The following MAST4 variants were observed in gnomAD, a reference collection of about 807,000 sequenced individuals.
The protein encoded by MAST4 is microtubule-associated serine/threonine-protein kinase 4.
MAST4 carries 89 observed loss-of-function variants against 162.7 expected under a neutral mutation model. The ratio of observed to expected loss-of-function variants is 0.55; its 90% CI spans 0.46 to 0.65. MAST4 has a LOEUF of 0.65. MAST4 is among the 30% of genes least tolerant of loss of function. The pLI is 0.00. For missense variants in MAST4, 3,153 were observed against 3,374.0 expected (o/e 0.93, Z 1.62); for synonymous variants, 1,479 against 1,361.1 (o/e 1.09, Z -1.91).
intron 4 of MAST4, among the ~76,000 whole-genome samples, chr5:66,973,616 AT>A (rs1443240679): frequency 6.6e-6 from 1 of 152,012 alleles, no homozygotes. Flanking sequence ...CTGGGGTAAA[AT>A]TTTTAGTCCA....
chr5:66,769,526 C>G (rs1754266538), intron 2 of MAST4, among the ~76,000 whole-genome samples: 1 of 152,176 alleles, frequency 6.6e-6, no homozygotes, highest in Non-Finnish European at 1.5e-5. Flanking sequence ...ACAAACCTAC[C>G]TGGTTTAGCC....
rs1050319349 is a variant in MAST4 at position 66,959,131 on chromosome 5, C to T, written c.674+59149C>T. 9.7e-6 allele frequency: 7 copies of T among 720,756 alleles called. No individual in the cohort carries two copies. In the African/African-American group the frequency reaches 1.2e-4, roughly 12 times the overall value. The allele number at this position is 720,756 out of a possible 1,614,324, so 44.6% of individuals were successfully genotyped here. A position where few individuals can be genotyped will look rare whatever the true frequency, so the allele number is the denominator to read the frequency against. On this transcript the variant is annotated intron_variant, in intron 4 of 28. Transcript: ENST00000403625. ...AAACTTGCAGCCTCCCCCTCCCCCTCGAGAGAGTGTTAGTCCAGTCCTTTA... is the reference window on the plus strand; with the variant it reads ...AAACTTGCAGCCTCCCCCTCCCCCTTGAGAGAGTGTTAGTCCAGTCCTTTA...
intron 25 of MAST4, 88 bp downstream of exon 25, chr5:67,152,954 T>G: frequency 1.8e-6 from 2 of 1,110,466 alleles, no homozygotes; most frequent in Admixed American, 4.3e-5. Context: ...GCAAATATAT[T>G]TACTTTTAAG....
intron 4 of MAST4, among the ~76,000 whole-genome samples, chr5:66,981,277 T>C (rs1188343743): frequency 6.6e-6 from 1 of 152,240 alleles, no homozygotes; most frequent in Non-Finnish European, 1.5e-5. Context: ...TTCTTATTTA[T>C]TGGAAATTAT....
Position 67,121,022 on chromosome 5 carries a change from T to A in MAST4, c.1665T>A (p.Ser555=). 1.9e-6 allele frequency: 3 copies of A among 1,608,448 alleles called. No homozygotes were observed. Among genetic ancestry groups the A allele is most frequent in the Non-Finnish European group, 2.5e-6 (3 of 1,176,818 alleles). ...TPETDESVSS[S]NASLKLRRKP... Reference sequence around the variant, plus strand: ...TTCCATATTTTGTTTCCAAGAGCTCTAATGCCTCCCTGAAACTTCGAAGGA... The same window carrying A: ...TTCCATATTTTGTTTCCAAGAGCTCAAATGCCTCCCTGAAACTTCGAAGGA... The change falls in exon 14 of 29, where the codon TCT becomes TCA. Residue 555 remains serine (S), a synonymous_variant. Transcript: ENST00000403625.
chr5:67,027,310 T>C (rs1561548381), intron 4 of MAST4, among the ~76,000 whole-genome samples: 1 of 152,202 alleles, frequency 6.6e-6, no homozygotes, highest in Non-Finnish European at 1.5e-5. Flanking sequence ...CAGATGTTTT[T>C]TATTCTCATC....
intron 1 of MAST4, among the ~76,000 whole-genome samples, chr5:66,709,350 C>G (rs1455796043): frequency 1.3e-5 from 2 of 152,190 alleles, no homozygotes; most frequent in Non-Finnish European, 2.9e-5. Context: ...GGATCTTGCT[C>G]TGTTGCCCAG....
rs529192042 is a variant in MAST4 at position 66,761,105 on chromosome 5, T to G, written c.517+1243T>G. Among the ~76,000 whole-genome samples the G allele has an allele frequency of 3.9e-5, 6 of 152,360 alleles. No individual in the cohort carries two copies. The South Asian group carries it at 1.2e-3, about 32-fold the overall frequency. ...TTGCCAGTTTTAAAAATTTTAGCCA[T>G]TTTCAGTGTTACATAGATGTATCAC... On this transcript the variant is annotated intron_variant, in intron 2 of 28. Transcript: ENST00000403625.
In MAST4 at chr5:66,802,151, G is replaced by T. The variant is rs115538015; in HGVS notation, c.642+13357G>T. 9.9e-3 allele frequency among the ~76,000 whole-genome samples: 1,503 copies of T among 152,072 alleles called. 22 individuals are homozygous for T. The highest frequency in any genetic ancestry group is 0.034 in the African/African-American group (1,418 of 41,482). On this transcript the variant is annotated intron_variant, in intron 3 of 28. Coordinates refer to ENST00000403625, the MANE Select transcript of MAST4 (RefSeq NM_001164664.2). ...ATATTCCCTTTCAGCATTTCTTGGGGTTCTAATTTAGCTTTCTTATACATG... is the reference window on the plus strand; with the variant it reads ...ATATTCCCTTTCAGCATTTCTTGGGTTTCTAATTTAGCTTTCTTATACATG...
Position 66,759,851 on chromosome 5 carries a change from G to A in MAST4, c.506G>A (p.Gly169Glu). 1 of 1,613,874 alleles carries A rather than the reference G, an allele frequency of 6.2e-7. No homozygotes were observed. The highest frequency in any genetic ancestry group is 8.5e-7 in the Non-Finnish European group (1 of 1,179,842). Reference sequence around the variant, plus strand: ...CAGCTAAGGCGAGGGAGCCTGGGAGGAGCCCTGACTGGTGAGTCGCAGCGG... The same window carrying A: ...CAGCTAAGGCGAGGGAGCCTGGGAGAAGCCCTGACTGGTGAGTCGCAGCGG... ...GRQLRRGSLG[G>E]ALTGRYLLPN... The change falls in exon 2 of 29, where the codon GGA becomes GAA. Residue 169 changes from glycine (G) to glutamate (E), a missense_variant. By Grantham distance (98) the Gly-to-Glu change is moderately conservative. Transcript: ENST00000403625.
intron 1 of MAST4, among the ~76,000 whole-genome samples, chr5:66,708,588 T>C (rs1315983186): frequency 1.3e-5 from 2 of 152,224 alleles, no homozygotes; most frequent in African/African-American, 4.8e-5. Flanking sequence ...TTGAGTTTGC[T>C]GTTGGTTTCT....
intron 1 of MAST4, among the ~76,000 whole-genome samples, chr5:66,633,705 T>C (rs1451661600): frequency 3.3e-5 from 5 of 152,216 alleles, no homozygotes; most frequent in Non-Finnish European, 7.3e-5. Context: ...GGTTTGTTTG[T>C]TTTCCAACTA....
At chr5:67,152,603 A>G in intron 24 of MAST4, 34 bp from the exon 25 acceptor site, 1 of 1,587,718 alleles carries the variant, frequency 6.3e-7, no homozygotes. Flanking sequence ...TGTGTGAGCC[A>G]CATGGGCTTT....
At chr5:66,997,688 A>G (rs1750827053) in intron 4 of MAST4, among the ~76,000 whole-genome samples, 6 of 152,138 alleles carry the variant, frequency 3.9e-5, no homozygotes, top group Admixed American at 3.3e-4. Flanking sequence ...CTGCCTCCCA[A>G]AGTGCTGGGA....
chr5:66,918,650 G>C (rs970525429), intron 4 of MAST4, among the ~76,000 whole-genome samples: 3 of 140,624 alleles, frequency 2.1e-5, no homozygotes, highest in Admixed American at 7.1e-5. Context: ...AAAAATAATG[G>C]TAATTTTAGC....
At chr5:67,116,155 T>C (rs912814996) in intron 12 of MAST4, among the ~76,000 whole-genome samples, 1 of 152,048 alleles carries the variant, frequency 6.6e-6, no homozygotes. Flanking sequence ...TTTTTAACTC[T>C]TGACAATTTA....
intron 4 of MAST4, among the ~76,000 whole-genome samples, chr5:66,952,841 C>T (rs747100074): frequency 2.0e-5 from 3 of 152,280 alleles, no homozygotes; most frequent in Admixed American, 6.5e-5. Context: ...CTTCCCAGCC[C>T]GATCTAAAGA....
intron 3 of MAST4, among the ~76,000 whole-genome samples, chr5:66,836,719 C>T (rs1402334658): frequency 6.6e-6 from 1 of 152,090 alleles, no homozygotes; most frequent in Non-Finnish European, 1.5e-5. Flanking sequence ...TGCATGTTCT[C>T]ACTTTGAAAT....
chr5:66,775,816 G>A (rs994528502), intron 2 of MAST4, among the ~76,000 whole-genome samples: 17 of 152,142 alleles, frequency 1.1e-4, no homozygotes, highest in Admixed American at 9.2e-4. Flanking sequence ...ATTTGGAGGC[G>A]CTGGGGGAGA....
Sources: gnomAD v4.1 joint callset for allele counts (sites outside exome capture counted in the v4.1 genomes callset) on GRCh38, gnomAD v4.1.1 for gene constraint, MANE v1.5 for transcripts, NCBI Gene and HGNC (gene_info 2026-07-23, HGNC 2026-07-21) for gene names.